TACR1: variants seen among roughly 807,000 people sequenced by gnomAD.
TACR1 encodes substance-P receptor.
TACR1 carries 25 observed loss-of-function variants against 35.8 expected under a neutral mutation model. The ratio of observed to expected loss-of-function variants is 0.70; its 90% CI spans 0.51 to 0.98. TACR1 has a LOEUF of 0.98. Ranked by LOEUF, TACR1 falls within the 50% of genes least tolerant of loss-of-function variation. The pLI, the probability that TACR1 is intolerant of heterozygous loss-of-function variation, is 0.00. For synonymous variants in TACR1, 195 were observed against 206.7 expected (o/e 0.94, Z 0.48); for missense variants, 478 against 522.9 (o/e 0.91, Z 0.84).
chr2:75,064,089 AG>A (rs1013055833), intron 2 of TACR1, among the ~76,000 whole-genome samples: 8 of 134,096 alleles, frequency 6.0e-5, no homozygotes, highest in Admixed American at 2.4e-4. Flanking sequence ...CAGCAGTGTT[AG>A]GAAAAAAAAA....
intron 1 of TACR1, among the ~76,000 whole-genome samples, chr2:75,152,000 T>G (rs1374117945): frequency 6.6e-6 from 1 of 152,134 alleles, no homozygotes; most frequent in Non-Finnish European, 1.5e-5. Flanking sequence ...TTTGGCCAAT[T>G]TCTCCCGTTT....
At chr2:75,184,687 AC>A (rs529535627) in intron 1 of TACR1, among the ~76,000 whole-genome samples, 162 of 151,562 alleles carry the variant, frequency 1.1e-3, no homozygotes, top group Non-Finnish European at 1.9e-3. Flanking sequence ...TTCATTAGCA[AC>A]CAAAAAAGTT....
At chr2:75,120,823 G>T in intron 1 of TACR1, 55 bp from the exon 2 acceptor site, 1 of 1,381,378 alleles carries the variant, frequency 7.2e-7, no homozygotes, top group South Asian at 1.6e-5. Context: ...ATCTGTATCA[G>T]AGATTCCATA....
At chr2:75,078,407 T>C (rs143904022) in intron 2 of TACR1, among the ~76,000 whole-genome samples, 243 of 152,212 alleles carry the variant, frequency 1.6e-3, no homozygotes, top group African/African-American at 5.5e-3. Context: ...AATGAGATGA[T>C]TCATTTAAAG....
At chr2:75,167,138 A>C (rs554201150) in intron 1 of TACR1, among the ~76,000 whole-genome samples, 1 of 152,232 alleles carries the variant, frequency 6.6e-6, no homozygotes, top group Non-Finnish European at 1.5e-5. Flanking sequence ...TGAGAAATAC[A>C]TTCAGTGCTT....
At chr2:75,078,355 A>C (rs925113951) in intron 2 of TACR1, among the ~76,000 whole-genome samples, 1 of 151,902 alleles carries the variant, frequency 6.6e-6, no homozygotes, top group African/African-American at 2.4e-5. Context: ...GTATCTGTAG[A>C]GAAGAGATTA....
At chr2:75,073,228 G>A (rs1672916288) in intron 2 of TACR1, among the ~76,000 whole-genome samples, 1 of 152,202 alleles carries the variant, frequency 6.6e-6, no homozygotes, top group Admixed American at 6.5e-5. Context: ...AGCTTTAGGT[G>A]TTCCTAAACC....
chr2:75,120,490 A>G (rs1673945463), intron 2 of TACR1, 84 bp downstream of exon 2: 2 of 1,291,200 alleles, frequency 1.5e-6, no homozygotes, highest in South Asian at 1.5e-5. Context: ...ACAAAAGAAT[A>G]TGGAAAGAAA....
At chr2:75,141,927 C>T (rs915699862) in intron 1 of TACR1, among the ~76,000 whole-genome samples, 3 of 152,212 alleles carry the variant, frequency 2.0e-5, no homozygotes, top group African/African-American at 7.2e-5. Flanking sequence ...CTTCTCTCAA[C>T]TGTTCTACAG....
chr2:75,052,939 C>T (rs910256187), intron 3 of TACR1, among the ~76,000 whole-genome samples: 2 of 152,156 alleles, frequency 1.3e-5, no homozygotes, highest in African/African-American at 2.4e-5. Context: ...CTTCACCTAG[C>T]CTCCTCCAAT....
chr2:75,074,123 C>A (rs964807372), intron 2 of TACR1, among the ~76,000 whole-genome samples: 3 of 152,062 alleles, frequency 2.0e-5, no homozygotes, highest in Non-Finnish European at 4.4e-5. Context: ...ATACTATTTA[C>A]GAAATGGAAA....
At position 75,198,548 on chromosome 2, in the gene TACR1, A is replaced by G; in HGVS notation, c.387T>C (p.Asp129=). The part of the protein sequence containing the change: ...SIYSMTAVAF[D]RYMAIIHPLQ... ...CTTTTCACAAAGGCTAATCTCACCT[A>G]TCAAAGGCCACAGCCGTCATGGAGT... is the stretch of plus-strand genomic sequence containing the variant. The change falls in exon 1 of 5, where the codon GAT becomes GAC. Residue 129 remains aspartate (D), a splice_region_variant and synonymous_variant. Transcript: ENST00000305249. 6.2e-7 allele frequency: 1 copy of G among 1,612,176 alleles called. No individual in the cohort carries two copies. The highest frequency in any genetic ancestry group is 1.3e-5 in the African/African-American group (1 of 74,988).
intron 2 of TACR1, among the ~76,000 whole-genome samples, chr2:75,080,837 C>T (rs907683520): frequency 1.3e-5 from 2 of 152,024 alleles, no homozygotes; most frequent in African/African-American, 4.8e-5. Context: ...CAGTTATTAC[C>T]CTATTAGCTG....
intron 1 of TACR1, chr2:75,156,149 A>G (rs1009577639): frequency 2.0e-5 from 3 of 152,204 alleles, no homozygotes; most frequent in African/African-American, 7.2e-5. Flanking sequence ...TATTGTGCAT[A>G]CAAATTATTG....
At chr2:75,074,115 A>G (rs114496491) in intron 2 of TACR1, among the ~76,000 whole-genome samples, 1 of 152,312 alleles carries the variant, frequency 6.6e-6, no homozygotes, top group African/African-American at 2.4e-5. Context: ...GTTATGTAAT[A>G]CTATTTACGA....
chr2:75,065,936 AT>A (rs1392596089), intron 2 of TACR1, among the ~76,000 whole-genome samples: 1 of 152,198 alleles, frequency 6.6e-6, no homozygotes, highest in African/African-American at 2.4e-5. Flanking sequence ...TGGACTAAGC[AT>A]CCAGACTCAC....
intron 2 of TACR1, among the ~76,000 whole-genome samples, chr2:75,064,358 T>C (rs2103802969): frequency 6.6e-6 from 1 of 152,338 alleles, no homozygotes; most frequent in Non-Finnish European, 1.5e-5. Flanking sequence ...CTAAAGCTTC[T>C]GCAGGCTTTG....
chr2:75,079,641 T>C (rs1673043677), intron 2 of TACR1, among the ~76,000 whole-genome samples: 1 of 152,242 alleles, frequency 6.6e-6, no homozygotes, highest in Non-Finnish European at 1.5e-5. Flanking sequence ...ATATTTATTC[T>C]TTCTCTTGAA....
chr2:75,166,319 TCAA>T (rs1229961612), intron 1 of TACR1, among the ~76,000 whole-genome samples: 1 of 152,066 alleles, frequency 6.6e-6, no homozygotes, highest in African/African-American at 2.4e-5. Flanking sequence ...GTATCACAAA[TCAA>T]CAAACATAGA....
Sources: allele counts gnomAD v4.1 joint callset (sites outside exome capture counted in the v4.1 genomes callset), GRCh38; gene constraint gnomAD v4.1.1; transcripts MANE v1.5; gene names NCBI Gene and HGNC (gene_info 2026-07-23, HGNC 2026-07-21).